SNW1: variants seen among roughly 807,000 people sequenced by gnomAD.
SNW1 encodes SNW domain containing 1.
In SNW1, 9 loss-of-function variants were observed where a neutral mutation model predicts 75.6. That is an observed-to-expected ratio of 0.12 (90% CI 0.07 to 0.21). The LOEUF is 0.21. SNW1 is among the 10% of genes least tolerant of loss of function. SNW1 has a pLI of 1.00. For missense variants in SNW1, 409 were observed against 670.9 expected, an observed-to-expected ratio of 0.61 and a Z score of 4.31; for synonymous variants, 200 against 219.1, an observed-to-expected ratio of 0.91 and a Z score of 0.77.
chr14:77,738,421 C>T (rs1243355655), intron 5 of SNW1, among the ~76,000 whole-genome samples: 1 of 152,076 alleles, frequency 6.6e-6, no homozygotes, highest in Non-Finnish European at 1.5e-5. Flanking sequence ...ACAGCCTGAG[C>T]ATCACAGCGA....
intron 6 of SNW1, 83 bp from the exon 7 acceptor site, chr14:77,736,089 C>A: frequency 3.0e-6 from 3 of 984,766 alleles, no homozygotes; most frequent in East Asian, 2.5e-5. Flanking sequence ...CTTTTTCTTG[C>A]ATAAAAGTTT....
intron 10 of SNW1, among the ~76,000 whole-genome samples, chr14:77,729,070 T>A (rs1007312204): frequency 8.5e-5 from 13 of 152,172 alleles, no homozygotes; most frequent in African/African-American, 3.1e-4. Context: ...CATATATAAC[T>A]GAGGGAAGTG....
intron 3 of SNW1, among the ~76,000 whole-genome samples, chr14:77,740,239 A>G (rs893057167): frequency 5.9e-5 from 9 of 152,132 alleles, no homozygotes; most frequent in Non-Finnish European, 1.3e-4. Flanking sequence ...GGTACATAAA[A>G]AGAAAGGACA....
At chr14:77,740,719 C>CA (rs2080711498) in intron 3 of SNW1, among the ~76,000 whole-genome samples, 1 of 152,116 alleles carries the variant, frequency 6.6e-6, no homozygotes, top group South Asian at 2.1e-4. Context: ...TCATTTGCTC[C>CA]ATAGCACTGT....
chr14:77,731,222 A>C (rs1449362292), intron 9 of SNW1, 93 bp from the exon 10 acceptor site: 1 of 1,303,708 alleles, frequency 7.7e-7, no homozygotes, highest in Non-Finnish European at 1.1e-6. Context: ...TGGTAAGAGC[A>C]ATTATACAGA....
chr14:77,754,712 G>A (rs2080831318), intron 2 of SNW1, among the ~76,000 whole-genome samples: 1 of 151,920 alleles, frequency 6.6e-6, no homozygotes, highest in Non-Finnish European at 1.5e-5. Flanking sequence ...TAGTTTTCTT[G>A]TAAATATTTA....
At position 77,755,165 on chromosome 14, in the gene SNW1, T is replaced by G. The variant is rs778590518; in HGVS notation, c.15-45A>C. On this transcript the variant is annotated intron_variant, in intron 1 of 13. Transcript: ENST00000261531. ...AAGTCAGAAATTTAAAAAACTCTTA[T>G]GTTTAATTTGACCACTGCAACTTGG... 6.4e-6 allele frequency: 10 copies of G among 1,559,894 alleles called. No homozygotes were observed. In the Admixed American group the frequency reaches 1.9e-4, roughly 29 times the overall value.
intron 10 of SNW1, among the ~76,000 whole-genome samples, chr14:77,730,257 T>C (rs1424687654): frequency 6.6e-6 from 1 of 152,224 alleles, no homozygotes; most frequent in Admixed American, 6.5e-5. Flanking sequence ...ACAGCAATTA[T>C]TACCTTTTAC....
At chr14:77,726,324 AT>A (rs1041667823) in intron 10 of SNW1, among the ~76,000 whole-genome samples, 3 of 151,886 alleles carry the variant, frequency 2.0e-5, no homozygotes, top group Non-Finnish European at 2.9e-5. Flanking sequence ...TTAAAATTTA[AT>A]TTTTTTTCTT....
intron 10 of SNW1, 162 bp downstream of exon 10, chr14:77,730,826 G>A: frequency 1.4e-6 from 1 of 702,704 alleles, no homozygotes; most frequent in East Asian, 2.9e-5. Context: ...TGTTGCTTCA[G>A]CTTACTAAGG....
chr14:77,759,516 A>C (rs1323812739), intron 1 of SNW1, among the ~76,000 whole-genome samples: 1 of 152,080 alleles, frequency 6.6e-6, no homozygotes, highest in African/African-American at 2.4e-5. Context: ...TATATCAAAA[A>C]ATAAAATAAA....
chr14:77,759,883 C>T (rs570207990), intron 1 of SNW1, among the ~76,000 whole-genome samples: 5 of 151,632 alleles, frequency 3.3e-5, no homozygotes, highest in African/African-American at 9.7e-5. Context: ...TTTCGGAGGC[C>T]GAGACAGGAG....
At chr14:77,739,296 TA>T (rs1322944833) in intron 3 of SNW1, among the ~76,000 whole-genome samples, 1 of 152,230 alleles carries the variant, frequency 6.6e-6, no homozygotes, top group Non-Finnish European at 1.5e-5. Context: ...TGAGATCTTC[TA>T]ATCAAGTTAG....
At chr14:77,759,224 G>C (rs2080866278) in intron 1 of SNW1, among the ~76,000 whole-genome samples, 1 of 152,180 alleles carries the variant, frequency 6.6e-6, no homozygotes, top group South Asian at 2.1e-4. Flanking sequence ...ACCCATGACA[G>C]GCCAGATGAT....
chr14:77,734,313 A>G (rs1351779833), intron 8 of SNW1, among the ~76,000 whole-genome samples: 2 of 152,256 alleles, frequency 1.3e-5, no homozygotes, highest in East Asian at 3.8e-4. Context: ...AATCTTTTAC[A>G]TCAGTTTACT....
At chr14:77,737,158 G>A in intron 5 of SNW1, 83 bp from the exon 6 acceptor site, 1 of 982,508 alleles carries the variant, frequency 1.0e-6, no homozygotes, top group Non-Finnish European at 1.6e-6. Context: ...TCTTAAGCTA[G>A]ACTACATTTT....
At chr14:77,735,288 T>C (rs1034854346) in intron 7 of SNW1, among the ~76,000 whole-genome samples, 1 of 152,234 alleles carries the variant, frequency 6.6e-6, no homozygotes, top group Non-Finnish European at 1.5e-5. Flanking sequence ...ATGTGACTTT[T>C]TTCTTTTTTT....
At chr14:77,734,492 C>A (rs903334260) in intron 8 of SNW1, among the ~76,000 whole-genome samples, 2 of 152,210 alleles carry the variant, frequency 1.3e-5, no homozygotes, top group African/African-American at 4.8e-5. Context: ...GCAATCTAAG[C>A]CCTTTGGGTG....
Position 77,751,315 on chromosome 14 carries a change from T to C in SNW1, c.330+4A>G. 1 of 1,607,006 alleles carries C rather than the reference T, an allele frequency of 6.2e-7. No individual in the cohort carries two copies. Among genetic ancestry groups the C allele is most frequent in the Non-Finnish European group, 8.5e-7 (1 of 1,177,028 alleles). ...ATCATTCAGGGAAAACATGAGAGGA[T>C]TACCTTGTCTTTTGACTGTCCTTGT... On this transcript the variant is annotated splice_donor_region_variant and intron_variant, in intron 3 of 13. Coordinates refer to ENST00000261531, the MANE Select transcript of SNW1 (RefSeq NM_012245.3).
Sources: allele counts gnomAD v4.1 joint callset (sites outside exome capture counted in the v4.1 genomes callset), GRCh38; gene constraint gnomAD v4.1.1; transcripts MANE v1.5; gene names NCBI Gene and HGNC (gene_info 2026-07-23, HGNC 2026-07-21).